Variants in ERICH3 observed in about 807,000 individuals in gnomAD.
The protein encoded by ERICH3 is glutamate-rich protein 3.
ERICH3 carries 126 observed loss-of-function variants against 131.1 expected under a neutral mutation model. That is an observed-to-expected ratio of 0.96 (90% CI 0.83 to 1.11). The LOEUF is 1.11. ERICH3 is among the 50% of genes most tolerant of loss of function. The pLI is 0.00. For missense variants in ERICH3, 2,050 were observed against 1,810.7 expected (o/e 1.13, Z -2.40); for synonymous variants, 695 against 644.6 (o/e 1.08, Z -1.18).
At position 74,673,552 on chromosome 1, in the gene ERICH3, G is replaced by T. The variant is rs1477669349; in HGVS notation, c.-33C>A. 6.2e-7 allele frequency: 1 copy of T among 1,608,286 alleles called. No individual in the cohort carries two copies. Among genetic ancestry groups the T allele is most frequent in the Admixed American group, 1.7e-5 (1 of 59,468 alleles). On this transcript the variant is annotated 5_prime_UTR_variant, in exon 1 of 15. Transcript: ENST00000326665. ...GGATCCCTTTTGGACCCCGCGGCAG[G>T]TGCGGAGGGTGGGTGCGTGGGGCCC...
intron 1 of ERICH3, among the ~76,000 whole-genome samples, chr1:74,665,332 C>T (rs1646681079): frequency 6.6e-6 from 1 of 152,122 alleles, no homozygotes; most frequent in Non-Finnish European, 1.5e-5. Flanking sequence ...TTCTAAGCCA[C>T]CCAGTCTATG....
chr1:74,664,311 A>C (rs1390396085), intron 1 of ERICH3, among the ~76,000 whole-genome samples: 2 of 14,176 alleles, frequency 1.4e-4, no homozygotes, highest in Non-Finnish European at 2.7e-4. Flanking sequence ...AAGGAAGATT[A>C]AAAAAAAAAA....
Position 74,588,294 on chromosome 1 carries a change from T to C in ERICH3, c.2176+1337A>G, listed in dbSNP as rs1401198575. Among the ~76,000 whole-genome samples the C allele has an allele frequency of 2.6e-5, 4 of 152,218 alleles. No homozygotes were observed. The East Asian group carries it at 7.7e-4, about 29-fold the overall frequency. ...CTCCTTTGAAGCCACATAGCATTTT[T>C]TACCTTCTCTATTTTACATGGGACT... On this transcript the variant is annotated intron_variant, in intron 12 of 14. Transcript: ENST00000326665.
intron 9 of ERICH3, among the ~76,000 whole-genome samples, chr1:74,611,710 T>G (rs1476892543): frequency 6.6e-6 from 1 of 152,184 alleles, no homozygotes; most frequent in African/African-American, 2.4e-5. Flanking sequence ...ATGCTTTTCC[T>G]CTATCTCAAA....
chr1:74,643,957 G>C (rs1646458700), intron 3 of ERICH3, among the ~76,000 whole-genome samples: 1 of 152,048 alleles, frequency 6.6e-6, no homozygotes, highest in Non-Finnish European at 1.5e-5. Context: ...TCTGAAAGGA[G>C]GAATTGTATG....
chr1:74,627,720 G>A (rs981863746), intron 7 of ERICH3, among the ~76,000 whole-genome samples: 6 of 151,986 alleles, frequency 3.9e-5, no homozygotes, highest in Non-Finnish European at 8.8e-5. Flanking sequence ...CACATATGCA[G>A]ATTTTTTTCA....
intron 11 of ERICH3, among the ~76,000 whole-genome samples, chr1:74,592,787 C>T (rs934948775): frequency 1.3e-5 from 2 of 152,138 alleles, no homozygotes; most frequent in East Asian, 1.9e-4. Flanking sequence ...TAACCTCATG[C>T]TATAATTTAG....
At chr1:74,646,999 G>A (rs1646491772) in intron 2 of ERICH3, among the ~76,000 whole-genome samples, 1 of 151,162 alleles carries the variant, frequency 6.6e-6, no homozygotes, top group Admixed American at 6.6e-5. Flanking sequence ...GGGAGAAAGA[G>A]GGAGAGAAAG....
chr1:74,629,300 A>G (rs1649512864), intron 7 of ERICH3, among the ~76,000 whole-genome samples: 1 of 152,134 alleles, frequency 6.6e-6, no homozygotes, highest in African/African-American at 2.4e-5. Context: ...AGAAAAGCTA[A>G]GAATCTTAGA....
chr1:74,594,847 C>A (rs758950791), intron 11 of ERICH3, among the ~76,000 whole-genome samples: 47 of 152,198 alleles, frequency 3.1e-4, no homozygotes, highest in Non-Finnish European at 5.1e-4. Flanking sequence ...TTTAAATTCA[C>A]CATTTCCTTA....
At chr1:74,586,950 CT>C (rs1424503637) in intron 12 of ERICH3, among the ~76,000 whole-genome samples, 2 of 152,096 alleles carry the variant, frequency 1.3e-5, no homozygotes, top group Non-Finnish European at 2.9e-5. Context: ...TTCAAAATTA[CT>C]TTTCTCTATT....
At chr1:74,576,842 G>C in intron 13 of ERICH3, 53 bp downstream of exon 13, 1 of 1,490,134 alleles carries the variant, frequency 6.7e-7, no homozygotes, top group Non-Finnish European at 9.2e-7. Context: ...AGATTTATGA[G>C]TCATGGTCTG....
rs12564125 is a variant in ERICH3 at position 74,616,122 on chromosome 1, C to T, written c.1001-3313G>A. Among the ~76,000 whole-genome samples, 96 of 152,242 alleles carry T rather than the reference C, an allele frequency of 6.3e-4. No individual in the cohort carries two copies. In the East Asian group the frequency reaches 8.5e-3, roughly 13 times the overall value. On this transcript the variant is annotated intron_variant, in intron 8 of 14. Transcript: ENST00000326665. ...GTTCAAGCTATTCTCGTGCCTCAGC[C>T]TCCCGAGTAGCTGGGATTACAGGCA...
intron 6 of ERICH3, chr1:74,634,930 T>C (rs1646374920): frequency 1.5e-5 from 6 of 389,314 alleles, no homozygotes; most frequent in Non-Finnish European, 2.3e-5. Flanking sequence ...ACTAGGCAAC[T>C]TTCTCATTGT....
chr1:74,638,956 C>G (rs1010186965), intron 5 of ERICH3, among the ~76,000 whole-genome samples: 2 of 152,024 alleles, frequency 1.3e-5, no homozygotes, highest in Non-Finnish European at 2.9e-5. Flanking sequence ...GGGAGGAGAC[C>G]CTTTTGTTTA....
At chr1:74,576,709 G>T (rs372103178) in intron 13 of ERICH3, among the ~76,000 whole-genome samples, 186 bp downstream of exon 13, 1 of 151,992 alleles carries the variant, frequency 6.6e-6, no homozygotes, top group East Asian at 1.9e-4. Context: ...ACCATATGAT[G>T]AATAAATGAA....
chr1:74,574,266 TGG>T, intron 13 of ERICH3, among the ~76,000 whole-genome samples: 1 of 152,260 alleles, frequency 6.6e-6, no homozygotes, highest in Non-Finnish European at 1.5e-5. Context: ...ATTACAGGTG[TGG>T]GCCACTGCAC....
At position 74,571,302 on chromosome 1, in the gene ERICH3, C is replaced by T. The variant is rs779786022; in HGVS notation, c.4408G>A (p.Ala1470Thr). ...AATCCTAATCGGAATTTTTCAGCTG[C>T]TCCTGTCTCCTGCCTCCCATCGCCA... ...GSGDGRQETG[A>T]AEKFRLGLSR... The change falls in exon 14 of 15, where the codon GCA becomes ACA. Residue 1470 changes from alanine (A) to threonine (T), a missense_variant. Physicochemically the swap from Ala to Thr is moderately conservative, Grantham distance 58 (BLOSUM62 0). Transcript: ENST00000326665. The T allele has an allele frequency of 4.3e-6, 7 of 1,614,094 alleles. No homozygotes were observed. The highest frequency in any genetic ancestry group is 5.9e-6 in the Non-Finnish European group (7 of 1,180,014).
chr1:74,665,187 T>A (rs1470230522), intron 1 of ERICH3, among the ~76,000 whole-genome samples: 2 of 149,810 alleles, frequency 1.3e-5, no homozygotes, highest in Non-Finnish European at 2.9e-5. Context: ...ATCTGCAGCC[T>A]GGGCGACAGA....
Sources: gnomAD v4.1 joint callset for allele counts (sites outside exome capture counted in the v4.1 genomes callset) on GRCh38, gnomAD v4.1.1 for gene constraint, MANE v1.5 for transcripts, NCBI Gene and HGNC (gene_info 2026-07-23, HGNC 2026-07-21) for gene names.